MCPH1: variants seen among roughly 807,000 people sequenced by gnomAD.
MCPH1 encodes microcephalin.
In MCPH1, 104 loss-of-function variants were observed where a neutral mutation model predicts 84.5. The ratio of observed to expected loss-of-function variants is 1.23; its 90% CI spans 1.05 to 1.45. The LOEUF (loss-of-function observed/expected upper bound fraction) is 1.45, where lower values mean the gene tolerates loss of function less well. Among genes scored for constraint, MCPH1 ranks in the 40% most tolerant of loss-of-function variants. The pLI is 0.00. For missense variants in MCPH1, 1,498 were observed against 1,005.7 expected (o/e 1.49, Z -6.62); for synonymous variants, 514 against 366.8 (o/e 1.40, Z -4.58).
rs369390577 is a variant in MCPH1, at chr8:6,568,633, C to T, written c.2215-52821C>T. ...AGCGTGCAATTTGAAAAAGCCCTGC[C>T]GAGCTGAAAAACACATGGAAAGGGC... On this transcript the variant is annotated intron_variant, in intron 12 of 13. Transcript: ENST00000344683. 2.3e-4 allele frequency among the ~76,000 whole-genome samples: 35 copies of T among 152,298 alleles called. No homozygotes were observed. In the East Asian group the frequency reaches 2.3e-3, roughly 10 times the overall value.
chr8:6,411,979 T>A (rs1379986028), intron 2 of MCPH1, among the ~76,000 whole-genome samples: 1 of 152,016 alleles, frequency 6.6e-6, no homozygotes, highest in Non-Finnish European at 1.5e-5. Flanking sequence ...AAGAGAACCA[T>A]TAAAAATGGG....
intron 12 of MCPH1, among the ~76,000 whole-genome samples, chr8:6,570,353 G>T (rs1485826170): frequency 6.6e-6 from 1 of 152,162 alleles, no homozygotes; most frequent in Non-Finnish European, 1.5e-5. Flanking sequence ...ATTCCCCTTT[G>T]TACAAGGTGA....
At chr8:6,438,834 A>C in intron 5 of MCPH1, 119 bp from the exon 6 acceptor site, 1 of 828,532 alleles carries the variant, frequency 1.2e-6, no homozygotes, top group Non-Finnish European at 2.0e-6. Context: ...GGAGTAGGTA[A>C]TGATGTTGAA....
intron 12 of MCPH1, among the ~76,000 whole-genome samples, chr8:6,597,238 A>C (rs1828997685): frequency 6.6e-6 from 1 of 152,176 alleles, no homozygotes; most frequent in South Asian, 2.1e-4. Flanking sequence ...CTCACAAGGC[A>C]CCATGGACGC....
At chr8:6,438,179 C>T (rs1219760817) in intron 5 of MCPH1, among the ~76,000 whole-genome samples, 2 of 152,178 alleles carry the variant, frequency 1.3e-5, no homozygotes, top group Non-Finnish European at 2.9e-5. Context: ...TTTGAAAATA[C>T]TTTGGCAACA....
At chr8:6,409,503 A>G (rs1798241558) in intron 2 of MCPH1, 133 bp downstream of exon 2, 1 of 730,222 alleles carries the variant, frequency 1.4e-6, no homozygotes, top group South Asian at 1.5e-5. Flanking sequence ...GGGAGAAAAA[A>G]GAGCCAAAGT....
At chr8:6,442,972 C>G (rs1466680370) in intron 7 of MCPH1, among the ~76,000 whole-genome samples, 1 of 152,238 alleles carries the variant, frequency 6.6e-6, no homozygotes, top group Non-Finnish European at 1.5e-5. Context: ...CAGTCTCCAT[C>G]TTTTTATTTT....
chr8:6,574,825 C>G (rs1439624580), intron 12 of MCPH1, among the ~76,000 whole-genome samples: 1 of 152,030 alleles, frequency 6.6e-6, no homozygotes, highest in Non-Finnish European at 1.5e-5. Flanking sequence ...CATCCAAATT[C>G]CAGAAGAAGG....
At chr8:6,615,933 A>G (rs1163779677) in intron 12 of MCPH1, 1 of 152,120 alleles carries the variant, frequency 6.6e-6, no homozygotes, top group African/African-American at 2.4e-5. Flanking sequence ...TGCATTGTGG[A>G]TTCTGAAATA....
chr8:6,410,860 C>G (rs1026484297), intron 2 of MCPH1, among the ~76,000 whole-genome samples: 1 of 152,118 alleles, frequency 6.6e-6, no homozygotes, highest in African/African-American at 2.4e-5. Flanking sequence ...GAGGCCAAGG[C>G]AGGCGGATCA....
At chr8:6,601,406 C>G (rs532586934) in intron 12 of MCPH1, among the ~76,000 whole-genome samples, 3 of 152,172 alleles carry the variant, frequency 2.0e-5, no homozygotes, top group Admixed American at 2.0e-4. Flanking sequence ...CCTCCTGGCT[C>G]TTCCTGCCCT....
At chr8:6,417,193 G>A (rs897459631) in intron 3 of MCPH1, among the ~76,000 whole-genome samples, 13 of 151,858 alleles carry the variant, frequency 8.6e-5, no homozygotes, top group Non-Finnish European at 1.3e-4. Context: ...TTTCTGCCCC[G>A]TTTCCTCCTC....
chr8:6,446,049 A>G, intron 8 of MCPH1: 1 of 981,392 alleles, frequency 1.0e-6, no homozygotes, highest in Non-Finnish European at 1.2e-6. Flanking sequence ...TTTTGAAGAA[A>G]CTTTGGTCAG....
chr8:6,438,971 T>C lies in MCPH1; in HGVS notation c.455T>C (p.Leu152Pro). 1 of 1,612,418 alleles carries C rather than the reference T, an allele frequency of 6.2e-7. No individual in the cohort carries two copies. Among genetic ancestry groups the C allele is most frequent in the Non-Finnish European group, 8.5e-7 (1 of 1,178,896 alleles). ...TTTTCAGATGATGATGTACCTATTC[T>C]CTTATTTGAATCTAATGGTTCATTA... Reference protein sequence around the residue: ...KTNLDDDVPILLFESNGSLIY... With the variant: ...KTNLDDDVPIPLFESNGSLIY... The change falls in exon 6 of 14, where the codon CTC (leucine) becomes CCC (proline). Residue 152 changes from leucine (L) to proline (P), a missense_variant. By Grantham distance (98) the Leu-to-Pro change is moderately conservative. Transcript: ENST00000344683.
rs186328418 is a variant in MCPH1 at position 6,488,541 on chromosome 8, A to G, written c.2136+7665A>G. Among the ~76,000 whole-genome samples, 3 of 152,314 alleles carry G rather than the reference A, an allele frequency of 2.0e-5. No homozygotes were observed. In the East Asian group the frequency reaches 5.8e-4, roughly 29 times the overall value. Reference sequence around the variant, plus strand: ...TCACCATTTTCAAATTTTTACATTAATATTTTTTAATTTTCGAAAGGTGCT... The same window carrying G: ...TCACCATTTTCAAATTTTTACATTAGTATTTTTTAATTTTCGAAAGGTGCT... On this transcript the variant is annotated intron_variant, in intron 11 of 13. Transcript: ENST00000344683.
chr8:6,612,815 C>T (rs1830402425), intron 12 of MCPH1, among the ~76,000 whole-genome samples: 1 of 152,206 alleles, frequency 6.6e-6, no homozygotes, highest in Non-Finnish European at 1.5e-5. Flanking sequence ...CCCGCAATTT[C>T]GTGGGTGTGG....
intron 9 of MCPH1, among the ~76,000 whole-genome samples, chr8:6,473,628 G>A (rs894086914): frequency 1.3e-5 from 2 of 152,100 alleles, no homozygotes. Flanking sequence ...ACCGCGCCCA[G>A]CCTGTCTCAA....
In MCPH1 at chr8:6,477,484, A is replaced by T. The variant is rs998289294; in HGVS notation, c.1936-110A>T. On this transcript the variant is annotated intron_variant, in intron 9 of 13. Coordinates refer to ENST00000344683, the MANE Select transcript of MCPH1 (RefSeq NM_024596.5). ...TTCTTTGACATATGCTTAAATGTTT[A>T]TTTTTAAGTGATGTAACTTTTCAAA... 2.8e-5 allele frequency: 27 copies of T among 976,252 alleles called. No homozygotes were observed. In the African/African-American group the frequency reaches 2.9e-4, roughly 11 times the overall value. The allele number at this position is 976,252 out of a possible 1,614,324, so 60.5% of individuals were successfully genotyped here.
At chr8:6,582,043 C>T (rs1415991025) in intron 12 of MCPH1, among the ~76,000 whole-genome samples, 2 of 152,156 alleles carry the variant, frequency 1.3e-5, no homozygotes, top group Admixed American at 6.5e-5. Flanking sequence ...TTGAGGGAGG[C>T]GCAAACATTC....
Sources: allele counts gnomAD v4.1 joint callset (sites outside exome capture counted in the v4.1 genomes callset), GRCh38; gene constraint gnomAD v4.1.1; transcripts MANE v1.5; gene names NCBI Gene and HGNC (gene_info 2026-07-23, HGNC 2026-07-21).